Variants in MAPKBP1 observed in about 807,000 individuals in gnomAD.
MAPKBP1 encodes mitogen-activated protein kinase-binding protein 1.
Under a neutral mutation model 170.5 loss-of-function variants are expected in MAPKBP1, and 71 were observed. That is an observed-to-expected ratio of 0.42 (90% CI 0.34 to 0.51). The LOEUF (loss-of-function observed/expected upper bound fraction) is 0.51, where lower values mean the gene tolerates loss of function less well. Among genes scored for constraint, MAPKBP1 ranks in the 20% least tolerant of loss-of-function variants. MAPKBP1 has a pLI of 0.06. For synonymous variants in MAPKBP1, 719 were observed against 757.9 expected (o/e 0.95, Z 0.84); for missense variants, 1,598 against 1,933.0 (o/e 0.83, Z 3.25).
chr15:41,816,763 G>A, intron 13 of MAPKBP1, 113 bp downstream of exon 13: 1 of 1,453,312 alleles, frequency 6.9e-7, no homozygotes, highest in Non-Finnish European at 9.5e-7. Flanking sequence ...TGGTGTCTTT[G>A]CTGGTTTAGA....
chr15:41,782,092 CAAAAA>C (rs58449893), intron 2 of MAPKBP1, among the ~76,000 whole-genome samples: 2 of 111,208 alleles, frequency 1.8e-5, no homozygotes, highest in African/African-American at 7.0e-5. Flanking sequence ...ACTAAAAATA[CAAAAA>C]AAAAAAAAAA....
intron 2 of MAPKBP1, among the ~76,000 whole-genome samples, chr15:41,782,154 C>T (rs1337449601): frequency 6.7e-6 from 1 of 149,068 alleles, no homozygotes; most frequent in African/African-American, 2.5e-5. Flanking sequence ...CCCAGCTACT[C>T]GCGAGGCTGA....
rs977695206 is a variant in MAPKBP1, at chr15:41,815,685, C to G, written c.1379C>G (p.Pro460Arg). 1.9e-6 allele frequency: 3 copies of G among 1,614,134 alleles called. No individual in the cohort carries two copies. Among genetic ancestry groups the G allele is most frequent in the Non-Finnish European group, 1.7e-6 (2 of 1,179,992 alleles). Reference sequence around the variant, plus strand: ...CAGGCCCTGCTGGACACAGAGCTGCCTGGAGGAGACAAAGCTGATGCATCC... The same window carrying G: ...CAGGCCCTGCTGGACACAGAGCTGCGTGGAGGAGACAAAGCTGATGCATCC... ...NTQALLDTEL[P>R]GGDKADASLL... is the part of the protein sequence containing the mutation. Residue 460 changes from proline (P) to arginine (R), a missense_variant, in exon 12 of 31, where the codon CCT (proline) becomes CGT (arginine). By Grantham distance (103) the Pro-to-Arg change is moderately radical. Coordinates refer to ENST00000457542, the MANE Select transcript of MAPKBP1 (RefSeq NM_014994.3).
intron 22 of MAPKBP1, among the ~76,000 whole-genome samples, 157 bp from the exon 23 acceptor site, chr15:41,820,675 C>G (rs932450677): frequency 2.6e-5 from 4 of 152,184 alleles, no homozygotes; most frequent in African/African-American, 9.7e-5. Flanking sequence ...ATCTGTAAAA[C>G]AAGGATTATA....
chr15:41,819,184 C>CTGAGCCTCCTCTCCCCCTAT, intron 20 of MAPKBP1, 62 bp from the exon 21 acceptor site: 1 of 1,583,830 alleles, frequency 6.3e-7, no homozygotes, highest in Non-Finnish European at 8.6e-7. Flanking sequence ...TCTTCCCCCA[C>CTGAGCCTCCTCTCCCCCTAT]TGAGCCTCCT....
At chr15:41,814,775 G>C in intron 10 of MAPKBP1, 36 bp downstream of exon 10, 1 of 1,608,090 alleles carries the variant, frequency 6.2e-7, no homozygotes, top group East Asian at 2.2e-5. Context: ...AGACTGGCCA[G>C]GTTGGCTGGG....
intron 2 of MAPKBP1, among the ~76,000 whole-genome samples, chr15:41,795,302 T>C (rs1213034831): frequency 6.6e-6 from 1 of 152,162 alleles, no homozygotes; most frequent in African/African-American, 2.4e-5. Context: ...GGAAATTAGC[T>C]TTGTGCATAG....
chr15:41,785,212 G>A (rs1172269384), intron 2 of MAPKBP1, among the ~76,000 whole-genome samples: 1 of 152,030 alleles, frequency 6.6e-6, no homozygotes, highest in African/African-American at 2.4e-5. Flanking sequence ...GTCCTTTTTT[G>A]TAGGCTCGCC....
At chr15:41,816,796 C>G (rs1256988389) in intron 13 of MAPKBP1, 114 bp from the exon 14 acceptor site, 1 of 1,507,348 alleles carries the variant, frequency 6.6e-7, no homozygotes, top group African/African-American at 1.4e-5. Flanking sequence ...TGTCCTTGCT[C>G]CATGGTTCAC....
chr15:41,820,339 G>A (rs1169684584), intron 22 of MAPKBP1, among the ~76,000 whole-genome samples: 1 of 152,196 alleles, frequency 6.6e-6, no homozygotes, highest in Non-Finnish European at 1.5e-5. Flanking sequence ...GGGGCCCCCA[G>A]CTATTGGAGT....
chr15:41,825,069 C>T (rs1053160519), intron 30 of MAPKBP1, 140 bp from the exon 31 acceptor site: 1 of 636,204 alleles, frequency 1.6e-6, no homozygotes, highest in Non-Finnish European at 2.7e-6. Flanking sequence ...ATCCCATGTT[C>T]CCTGGCCATA....
Position 41,805,615 on chromosome 15 carries a change from C to G in MAPKBP1, c.207-5268C>G, listed in dbSNP as rs548695060. Among the ~76,000 whole-genome samples the G allele has an allele frequency of 5.3e-5, 8 of 152,334 alleles. 1 individual carries two copies. The South Asian group carries it at 1.7e-3, about 32-fold the overall frequency. On this transcript the variant is annotated intron_variant, in intron 3 of 30. Coordinates refer to ENST00000457542, the MANE Select transcript of MAPKBP1 (RefSeq NM_014994.3). ...GGGAGGAGAAGAGGGAACCCCTGCT[C>G]TCCTGAGGAGGCCCTCCATTTCCTC... is the stretch of plus-strand genomic sequence containing the variant.
Position 41,818,150 on chromosome 15 carries a change from G to A in MAPKBP1, c.1981-44G>A, listed in dbSNP as rs899007084. On this transcript the variant is annotated intron_variant, in intron 17 of 30. Coordinates refer to ENST00000457542, the MANE Select transcript of MAPKBP1 (RefSeq NM_014994.3). This position sits in a 1 kb window ranked among gnomAD's most constrained non-coding sequence, Gnocchi z 5.2. ...AGAGTGGTGCTGGGTGGGAGGGACT[G>A]GTACTTCCCATGTCCTCCAGCTGCA... The A allele has an allele frequency of 7.5e-6, 12 of 1,599,448 alleles. No individual in the cohort carries two copies. The highest frequency in any genetic ancestry group is 2.2e-5 in the East Asian group (1 of 44,818).
chr15:41,811,016 C>G lies in MAPKBP1; in HGVS notation c.269+71C>G, dbSNP rs980033996. ...ATGAGAAGGGCACTGTCTAGAGTCT[C>G]TATGGCTCTGGGGGCTGGGACCTGG... On this transcript the variant is annotated intron_variant, in intron 4 of 30. Coordinates refer to ENST00000457542, the MANE Select transcript of MAPKBP1 (RefSeq NM_014994.3). 1.8e-5 allele frequency: 28 copies of G among 1,581,210 alleles called. No homozygotes were observed. In the South Asian group the frequency reaches 1.9e-4, roughly 11 times the overall value.
intron 30 of MAPKBP1, among the ~76,000 whole-genome samples, chr15:41,824,910 T>G (rs974588764): frequency 2.0e-5 from 3 of 152,196 alleles, no homozygotes; most frequent in African/African-American, 4.8e-5. Context: ...TTTGGCCCCC[T>G]TAGACATAGG....
intron 3 of MAPKBP1, among the ~76,000 whole-genome samples, chr15:41,804,235 C>A (rs1393987395): frequency 2.0e-5 from 3 of 152,240 alleles, no homozygotes; most frequent in African/African-American, 7.2e-5. Context: ...TCAGTCTGTG[C>A]AAGGGAGACT....
chr15:41,786,777 A>AAAAAAAATATATATATATATAT, intron 2 of MAPKBP1, among the ~76,000 whole-genome samples: 6 of 32,438 alleles, frequency 1.8e-4, no homozygotes, highest in African/African-American at 5.2e-4. Flanking sequence ...AAAAAAAAAA[A>AAAAAAAATATATATATATATAT]ATATATATAT....
At position 41,775,218 on chromosome 15, in the gene MAPKBP1, C is replaced by T; in HGVS notation, c.-58C>T. 1 of 1,397,506 alleles carries T rather than the reference C, an allele frequency of 7.2e-7. No homozygotes were observed. Among genetic ancestry groups the T allele is most frequent in the South Asian group, 1.2e-5 (1 of 85,572 alleles). 86.6% of individuals were successfully genotyped at this position (1,397,506 alleles called of 1,614,324 possible). ...CCTCTGGAGTGGGAAGACAGTGCCG[C>T]TGTTGAGACAAGACCCAGGACTGGG... On this transcript the variant is annotated 5_prime_UTR_variant, in exon 2 of 31. Coordinates refer to ENST00000457542, the MANE Select transcript of MAPKBP1 (RefSeq NM_014994.3).
rs1555453989 is a variant in MAPKBP1 at position 41,819,544 on chromosome 15, T to TGGCG, written c.2426-48_2426-45dup. ...ATGGGGCCAGGGCTCCAGGGTTGGG[T>TGGCG]GGCGGGGGGGGGGCAGGAGACACTT... On this transcript the variant is annotated intron_variant, in intron 21 of 30. Transcript: ENST00000457542. The TGGCG allele has an allele frequency of 1.5e-5, 14 of 912,600 alleles. No homozygotes were observed. In the African/African-American group the frequency reaches 2.3e-4, roughly 15 times the overall value. 56.5% of individuals were successfully genotyped at this position (912,600 alleles called of 1,614,324 possible). A position where few individuals can be genotyped will look rare whatever the true frequency, so the allele number is the denominator to read the frequency against.
Sources: allele counts gnomAD v4.1 joint callset (sites outside exome capture counted in the v4.1 genomes callset), GRCh38; gene constraint gnomAD v4.1.1; non-coding constraint Gnocchi (gnomAD v3.1); transcripts MANE v1.5; gene names NCBI Gene and HGNC (gene_info 2026-07-23, HGNC 2026-07-21).